PALS2: variants seen among roughly 807,000 people sequenced by gnomAD.
The protein encoded by PALS2 is protein PALS2.
A neutral mutation model predicts 61.6 loss-of-function variants in PALS2; 27 were observed. The observed-to-expected ratio is 0.44, with a 90% CI of 0.32 to 0.60. PALS2 has a LOEUF of 0.60. Ranked by LOEUF, PALS2 falls within the 20% of genes least tolerant of loss-of-function variation. The pLI, the probability that PALS2 is intolerant of heterozygous loss-of-function variation, is 0.05. For missense variants in PALS2, 554 were observed against 639.4 expected (o/e 0.87, Z 1.44); for synonymous variants, 236 against 218.6 (o/e 1.08, Z -0.70).
intron 1 of PALS2, among the ~76,000 whole-genome samples, chr7:24,605,730 C>A (rs948280313): frequency 6.6e-6 from 1 of 151,978 alleles, no homozygotes. Context: ...TTGTCTCTAT[C>A]CAGTAATACC....
chr7:24,685,614 A>G (rs1788156160), intron 11 of PALS2, among the ~76,000 whole-genome samples: 1 of 147,068 alleles, frequency 6.8e-6, no homozygotes, highest in South Asian at 2.2e-4. Context: ...TTCCTGTTCC[A>G]TCTGTATGGC....
intron 2 of PALS2, among the ~76,000 whole-genome samples, chr7:24,637,307 T>C (rs1162535514): frequency 1.3e-5 from 2 of 151,514 alleles, no homozygotes; most frequent in Non-Finnish European, 3.0e-5. Context: ...TTTTTTTTTT[T>C]TTTTTTTTCA....
intron 9 of PALS2, among the ~76,000 whole-genome samples, chr7:24,677,471 C>A (rs1482037591): frequency 6.6e-6 from 1 of 151,682 alleles, no homozygotes; most frequent in Non-Finnish European, 1.5e-5. Context: ...GGAATGCTTC[C>A]AGTTTTTGCC....
chr7:24,657,855 G>C (rs113701626), intron 5 of PALS2, among the ~76,000 whole-genome samples: 2 of 152,160 alleles, frequency 1.3e-5, no homozygotes, highest in African/African-American at 4.8e-5. Context: ...TCTATGATAC[G>C]TGTACTGTAT....
At chr7:24,671,718 A>T (rs1787305420) in intron 9 of PALS2, among the ~76,000 whole-genome samples, 2 of 152,094 alleles carry the variant, frequency 1.3e-5, no homozygotes, top group South Asian at 2.1e-4. Context: ...TTTTGTGTCA[A>T]ATGTGAGGAG....
At position 24,648,904 on chromosome 7, in the gene PALS2, C is replaced by CAAAAAA. The variant is rs763677372; in HGVS notation, c.271-707_271-702dup. Among the ~76,000 whole-genome samples the CAAAAAA allele has an allele frequency of 7.7e-5, 7 of 90,596 alleles. 2 individuals carry two copies. The highest frequency in any genetic ancestry group is 8.0e-5 in the Non-Finnish European group (4 of 49,724). 59.4% of individuals were successfully genotyped at this position (90,596 alleles called of 152,430 possible). On this transcript the variant is annotated intron_variant, in intron 3 of 11. Coordinates refer to ENST00000222644, the MANE Select transcript of PALS2 (RefSeq NM_001303037.2). The stretch of plus-strand genomic sequence containing the variant: ...TAGGTGACAGAGTGAGACTCTGTCT[C>CAAAAAA]AAAAAAGAAAAAAAAAAAGCAATTC...
At chr7:24,587,971 C>T (rs1290289435) in intron 1 of PALS2, among the ~76,000 whole-genome samples, 1 of 152,080 alleles carries the variant, frequency 6.6e-6, no homozygotes, top group African/African-American at 2.4e-5. Context: ...TGCAGTTTTG[C>T]CCCCTAAGGG....
chr7:24,595,572 T>C (rs993067104), intron 1 of PALS2, among the ~76,000 whole-genome samples: 1 of 138,510 alleles, frequency 7.2e-6, no homozygotes, highest in Non-Finnish European at 1.5e-5. Flanking sequence ...TATATAAATA[T>C]ATATAAATAT....
At chr7:24,657,097 T>C (rs187281512) in intron 5 of PALS2, among the ~76,000 whole-genome samples, 5 of 152,350 alleles carry the variant, frequency 3.3e-5, no homozygotes, top group South Asian at 4.1e-4. Flanking sequence ...ACAAGTGATA[T>C]TCCATTGCAT....
At chr7:24,677,950 T>C (rs1037705239) in intron 9 of PALS2, among the ~76,000 whole-genome samples, 1 of 152,336 alleles carries the variant, frequency 6.6e-6, no homozygotes, top group South Asian at 2.1e-4. Context: ...TTTCTATGTC[T>C]TAGGCTTATT....
At chr7:24,601,718 A>G (rs1288607568) in intron 1 of PALS2, among the ~76,000 whole-genome samples, 1 of 152,096 alleles carries the variant, frequency 6.6e-6, no homozygotes, top group Non-Finnish European at 1.5e-5. Flanking sequence ...ATTTTTAACT[A>G]TCCTCACACT....
At chr7:24,615,608 C>A (rs1784267730) in intron 1 of PALS2, among the ~76,000 whole-genome samples, 1 of 151,678 alleles carries the variant, frequency 6.6e-6, no homozygotes, top group Admixed American at 6.6e-5. Flanking sequence ...AAAAAAGACT[C>A]CCAACAAAGG....
At chr7:24,665,451 A>G (rs1786965003) in intron 6 of PALS2, 137 bp from the exon 7 acceptor site, 6 of 662,124 alleles carry the variant, frequency 9.1e-6, no homozygotes, top group Admixed American at 2.7e-5. Context: ...TTAACTGACA[A>G]TGCTATGGAT....
intron 2 of PALS2, among the ~76,000 whole-genome samples, chr7:24,635,345 CAGAT>C (rs1327048011): frequency 6.6e-6 from 1 of 152,004 alleles, no homozygotes; most frequent in Non-Finnish European, 1.5e-5. Flanking sequence ...ATTTCATTTT[CAGAT>C]TTTTCATTGC....
chr7:24,622,496 A>G (rs1408797555), intron 1 of PALS2, among the ~76,000 whole-genome samples: 1 of 151,892 alleles, frequency 6.6e-6, no homozygotes, highest in African/African-American at 2.4e-5. Context: ...GAAATACACT[A>G]TGTGTAACAA....
intron 5 of PALS2, among the ~76,000 whole-genome samples, chr7:24,658,496 A>C (rs1210757751): frequency 1.3e-5 from 2 of 151,934 alleles, no homozygotes; most frequent in Non-Finnish European, 2.9e-5. Flanking sequence ...CCAGGCATCA[A>C]AAATTTTACC....
chr7:24,637,915 A>G lies in PALS2; in HGVS notation c.118-3801A>G, dbSNP rs534959567. Among the ~76,000 whole-genome samples the G allele has an allele frequency of 4.3e-4, 65 of 152,314 alleles. 1 individual carries two copies. The South Asian group carries it at 0.013, about 31-fold the overall frequency. ...TCCAACCACTTGTGGCAAGTGAAAT[A>G]TATTTTTATTGAGTTATGCTAGTGT... On this transcript the variant is annotated intron_variant, in intron 2 of 11. Transcript: ENST00000222644.
In PALS2 at chr7:24,680,572, A is replaced by G. The variant is rs369527444; in HGVS notation, c.1446+52A>G. The G allele has an allele frequency of 8.3e-6, 13 of 1,564,550 alleles. No individual in the cohort carries two copies. In the African/African-American group the frequency reaches 1.1e-4, roughly 13 times the overall value. ...TAAAATCTTTCCTTTTCTTTTGAGC[A>G]TGTTTAACTGTTATCTAATTTATTT... On this transcript the variant is annotated intron_variant, in intron 11 of 11. Transcript: ENST00000222644.
intron 1 of PALS2, among the ~76,000 whole-genome samples, chr7:24,585,433 A>G (rs1783025452): frequency 6.6e-6 from 1 of 152,146 alleles, no homozygotes; most frequent in South Asian, 2.1e-4. Flanking sequence ...ATGTTCACTT[A>G]AAAGTTATTG....
Sources: gnomAD v4.1 joint callset for allele counts (sites outside exome capture counted in the v4.1 genomes callset) on GRCh38, gnomAD v4.1.1 for gene constraint, MANE v1.5 for transcripts, NCBI Gene and HGNC (gene_info 2026-07-23, HGNC 2026-07-21) for gene names.